The following MAP4K5 variants were observed in gnomAD, a reference collection of about 807,000 sequenced individuals.
MAP4K5 encodes the protein MAPK/ERK kinase kinase kinase 5.
MAP4K5 carries 82 observed loss-of-function variants against 135.6 expected under a neutral mutation model. That is an observed-to-expected ratio of 0.60 (90% CI 0.51 to 0.73). MAP4K5 has a LOEUF of 0.73. MAP4K5 is among the 30% of genes least tolerant of loss of function. The pLI is 0.00. For missense variants in MAP4K5, 907 were observed against 1,010.9 expected (o/e 0.90, Z 1.39); for synonymous variants, 347 against 335.0 (o/e 1.04, Z -0.39).
Position 50,443,789 on chromosome 14 carries a change from T to G in MAP4K5, c.1438-19A>C. On this transcript the variant is annotated intron_variant, in intron 19 of 32. Coordinates refer to ENST00000682126, the MANE Select transcript of MAP4K5 (RefSeq NM_006575.6). ...CTGGTTTCTATGGGAAAAATAAAAT[T>G]TACTAGTGTAAGACCTCCTAAGTCT... The G allele has an allele frequency of 6.3e-7, 1 of 1,591,874 alleles. No individual in the cohort carries two copies. The highest frequency in any genetic ancestry group is 1.4e-5 in the African/African-American group (1 of 73,840).
chr14:50,547,587 A>G (rs939945973), intron 1 of MAP4K5, among the ~76,000 whole-genome samples: 2 of 152,232 alleles, frequency 1.3e-5, no homozygotes, highest in African/African-American at 4.8e-5. Context: ...ACAATCCAGA[A>G]GTTACATAAG....
intron 3 of MAP4K5, among the ~76,000 whole-genome samples, chr14:50,503,763 T>C (rs1188569580): frequency 6.6e-6 from 1 of 152,060 alleles, no homozygotes. Flanking sequence ...AAGGGATAAA[T>C]ATCTTTGTTT....
intron 9 of MAP4K5, among the ~76,000 whole-genome samples, chr14:50,474,532 ATTATT>A (rs1336691738): frequency 2.6e-5 from 4 of 152,080 alleles, no homozygotes; most frequent in Non-Finnish European, 5.9e-5. Context: ...TTTTAGAAAG[ATTATT>A]TTGTCAGTAA....
intron 3 of MAP4K5, among the ~76,000 whole-genome samples, chr14:50,500,323 C>G (rs1488822720): frequency 1.3e-5 from 2 of 152,176 alleles, no homozygotes; most frequent in African/African-American, 2.4e-5. Flanking sequence ...GCATTGGCCT[C>G]TCCGAGGATA....
At chr14:50,422,428 C>G (rs116099412) in intron 32 of MAP4K5, among the ~76,000 whole-genome samples, 104 of 152,082 alleles carry the variant, frequency 6.8e-4, no homozygotes, top group African/African-American at 2.5e-3. Flanking sequence ...ACCTGAAGAC[C>G]AGAGGTTCCC....
At chr14:50,560,004 G>T in intron 1 of MAP4K5, 1 of 546,142 alleles carries the variant, frequency 1.8e-6, no homozygotes, top group Non-Finnish European at 3.3e-6. Flanking sequence ...CTGTCTTCAC[G>T]GTCTGGGGGT....
At chr14:50,422,812 C>A (rs927452462) in intron 32 of MAP4K5, among the ~76,000 whole-genome samples, 1 of 152,074 alleles carries the variant, frequency 6.6e-6, no homozygotes, top group African/African-American at 2.4e-5. Context: ...AGGCAGCACA[C>A]CATGAAGAAA....
chr14:50,523,619 C>G (rs1163177557), intron 2 of MAP4K5, among the ~76,000 whole-genome samples: 2 of 152,222 alleles, frequency 1.3e-5, no homozygotes, highest in African/African-American at 4.8e-5. Context: ...TCCATTCAGG[C>G]ATTCCTGATC....
rs191613155 is a variant in MAP4K5, at chr14:50,447,362, T to C, written c.1142+52A>G. 1.1e-4 allele frequency: 116 copies of C among 1,103,390 alleles called. No homozygotes were observed. The African/African-American group carries it at 1.5e-3, about 14-fold the overall frequency. 68.3% of individuals were successfully genotyped at this position (1,103,390 alleles called of 1,614,324 possible). On this transcript the variant is annotated intron_variant, in intron 16 of 32. Transcript: ENST00000682126. Reference sequence around the variant, plus strand: ...TTAGAATAAATCACATGCCCCATACTGTTCTTATGTAATCAAATAAAATAT... The same window carrying C: ...TTAGAATAAATCACATGCCCCATACCGTTCTTATGTAATCAAATAAAATAT...
Position 50,468,726 on chromosome 14 carries a change from T to C in MAP4K5, c.599A>G (p.Asp200Gly), listed in dbSNP as rs753517587. 2 of 1,612,904 alleles carry C rather than the reference T, an allele frequency of 1.2e-6. No homozygotes were observed. Among genetic ancestry groups the C allele is most frequent in the Non-Finnish European group, 8.5e-7 (1 of 1,179,354 alleles). ...TGCTGTTATTCCTACTGCCCAGATATCACAGAGTTGGTTGTAGCCACCATT... is the reference window on the plus strand; with the variant it reads ...TGCTGTTATTCCTACTGCCCAGATACCACAGAGTTGGTTGTAGCCACCATT... ...EKNGGYNQLC[D>G]IWAVGITAIE... The change falls in exon 10 of 33, where the codon GAT becomes GGT. Residue 200 changes from aspartate to glycine, a missense_variant. By Grantham distance (94) the Asp-to-Gly change is moderately conservative. Transcript: ENST00000682126.
intron 2 of MAP4K5, among the ~76,000 whole-genome samples, chr14:50,508,786 G>A (rs931524506): frequency 6.6e-6 from 1 of 152,044 alleles, no homozygotes; most frequent in African/African-American, 2.4e-5. Context: ...GTTGGTGGGA[G>A]TGTAAACTAG....
At chr14:50,503,520 T>A (rs2037749408) in intron 3 of MAP4K5, among the ~76,000 whole-genome samples, 2 of 152,106 alleles carry the variant, frequency 1.3e-5, no homozygotes, top group Non-Finnish European at 1.5e-5. Context: ...TGCCTTCTTA[T>A]GTTAGTTCTA....
chr14:50,480,004 A>G (rs1345292725), intron 6 of MAP4K5, among the ~76,000 whole-genome samples: 1 of 151,330 alleles, frequency 6.6e-6, no homozygotes, highest in Non-Finnish European at 1.5e-5. Flanking sequence ...TCACTGTTTC[A>G]TATATTTTGC....
intron 14 of MAP4K5, chr14:50,450,403 G>T (rs892690459): frequency 2.0e-5 from 3 of 152,130 alleles, no homozygotes; most frequent in African/African-American, 7.2e-5. Flanking sequence ...TTAAAAGAAG[G>T]AAAATACATG....
At chr14:50,527,122 C>T (rs931448425) in intron 2 of MAP4K5, among the ~76,000 whole-genome samples, 1 of 152,114 alleles carries the variant, frequency 6.6e-6, no homozygotes, top group Non-Finnish European at 1.5e-5. Context: ...GGGCAGATCA[C>T]GAGGTCAGGA....
rs1397911947 is a variant in MAP4K5 at position 50,540,610 on chromosome 14, T to C, written c.-94+1889A>G. On this transcript the variant is annotated intron_variant, in intron 2 of 8. Coordinates refer to the MAP4K5 transcript ENST00000555216. Reference sequence around the variant, plus strand: ...AATTGATATTAGCTCTAAATAATAATCTCTGCAGTCTCAAAATACCGCCAA... The same window carrying C: ...AATTGATATTAGCTCTAAATAATAACCTCTGCAGTCTCAAAATACCGCCAA... Among the ~76,000 whole-genome samples the C allele has an allele frequency of 2.0e-5, 3 of 152,136 alleles. No homozygotes were observed. The South Asian group carries it at 6.2e-4, about 32-fold the overall frequency.
At chr14:50,458,194 A>G (rs1302643120) in intron 13 of MAP4K5, among the ~76,000 whole-genome samples, 1 of 152,184 alleles carries the variant, frequency 6.6e-6, no homozygotes, top group Non-Finnish European at 1.5e-5. Context: ...GAGAAAATAG[A>G]AATCACCAGC....
At chr14:50,465,800 G>A (rs777161071) in intron 11 of MAP4K5, among the ~76,000 whole-genome samples, 43 of 152,070 alleles carry the variant, frequency 2.8e-4, no homozygotes, top group Non-Finnish European at 5.7e-4. Flanking sequence ...ACACTGGGCC[G>A]GGTGAGGTGG....
At chr14:50,476,909 A>G (rs950756319) in intron 6 of MAP4K5, among the ~76,000 whole-genome samples, 1 of 152,164 alleles carries the variant, frequency 6.6e-6, no homozygotes, top group Non-Finnish European at 1.5e-5. Flanking sequence ...CCTCACAAAC[A>G]CTGATGTGCT....
Sources: allele counts gnomAD v4.1 joint callset (sites outside exome capture counted in the v4.1 genomes callset), GRCh38; gene constraint gnomAD v4.1.1; transcripts MANE v1.5; gene names NCBI Gene and HGNC (gene_info 2026-07-23, HGNC 2026-07-21).